Variants in ACADVL observed in about 807,000 individuals in gnomAD.
ACADVL encodes the protein acyl-CoA dehydrogenase very long chain, also known as very long-chain acyl-CoA dehydrogenase, mitochondrial.
Under a neutral mutation model 80.4 loss-of-function variants are expected in ACADVL, and 73 were observed. The ratio of observed to expected loss-of-function variants is 0.91; its 90% confidence interval spans 0.75 to 1.10. ACADVL has a LOEUF of 1.10. Among genes scored for constraint, ACADVL ranks in the 50% least tolerant of loss-of-function variants. The pLI, the probability that ACADVL is intolerant of heterozygous loss-of-function variation, is 0.00. For synonymous variants in ACADVL, 392 were observed against 326.5 expected, an observed-to-expected ratio of 1.20 and a Z score of -2.16; for missense variants, 878 against 858.9, an observed-to-expected ratio of 1.02 and a Z score of -0.28.
rs1374411199 is a variant in ACADVL, at chr17:7,224,080, G to A, written c.1434+11G>A. 1 of 1,613,948 alleles carries A rather than the reference G, an allele frequency of 6.2e-7. No individual in the cohort carries two copies. The highest frequency in any genetic ancestry group is 8.5e-7 in the Non-Finnish European group (1 of 1,179,954). On this transcript the variant is annotated intron_variant, in intron 14 of 19. Coordinates refer to ENST00000356839, the MANE Select transcript of ACADVL (RefSeq NM_000018.4). ...CTGCAGGGCTGTATGGTAAGACAGA[G>A]AATTGGGTGGGGGTAGAGGTGGGGA...
upstream of ACADVL, chr17:7,219,239 G>A: frequency 2.7e-6 from 1 of 368,580 alleles, no homozygotes; most frequent in Non-Finnish European, 4.2e-6. Context: ...GGTTTTACGG[G>A]TAAGAGGCAG....
At chr17:7,221,922 CT>C in intron 7 of ACADVL, 29 bp from the exon 8 acceptor site, 4 of 1,613,982 alleles carry the variant, frequency 2.5e-6, no homozygotes, top group Non-Finnish European at 3.4e-6. Flanking sequence ...CTCATCAGAA[CT>C]TGGGGTAAAG....
chr17:7,224,711 C>T lies in ACADVL; in HGVS notation c.1748C>T (p.Ser583Leu), dbSNP rs1085307648. ...IDLYAMVVVL[S>L]RASRSLSEGH... ...CTCTATGCCATGGTGGTGGTTCTCT[C>T]GAGGTGAGGAGGCAGGCAGGGAATG... The change falls in exon 18 of 20, where the codon TCG becomes TTG. Residue 583 changes from serine to leucine, a missense_variant. Coordinates refer to ENST00000356839, the MANE Select transcript of ACADVL (RefSeq NM_000018.4). The T allele has an allele frequency of 3.1e-6, 5 of 1,595,394 alleles. No homozygotes were observed. Among genetic ancestry groups the T allele is most frequent in the African/African-American group, 1.3e-5 (1 of 74,162 alleles).
chr17:7,220,069 G>A, intron 1 of ACADVL, 23 bp downstream of exon 1: 1 of 1,599,442 alleles, frequency 6.3e-7, no homozygotes, highest in Non-Finnish European at 8.5e-7. Context: ...CAAGAGGGAC[G>A]GTGGGCAGCG....
upstream of ACADVL, chr17:7,218,605 TG>T (rs1567556995): frequency 1.3e-6 from 2 of 1,566,020 alleles, no homozygotes; most frequent in Middle Eastern, 1.7e-4. Context: ...ACCGCAGCAG[TG>T]GGGGTGCCAG....
chr17:7,220,626 G>A lies in ACADVL; in HGVS notation c.227G>A (p.Gly76Glu), dbSNP rs750043368. ...CAGGAATCTAAGTCCTTTGCTGTGG[G>A]AATGTTCAAAGGCCAGCTCACCACA... Reference protein sequence around the residue: ...AKAESKSFAVGMFKGQLTTDQ... With the variant: ...AKAESKSFAVEMFKGQLTTDQ... The change falls in exon 4 of 20, where the codon GGA becomes GAA. Residue 76 changes from glycine (G) to glutamate (E), a missense_variant. Transcript: ENST00000356839. The A allele has an allele frequency of 8.1e-6, 13 of 1,614,196 alleles. No homozygotes were observed. The highest frequency in any genetic ancestry group is 1.6e-4 in the Middle Eastern group (1 of 6,062).
Position 7,220,032 on chromosome 17 carries a change from G to A in ACADVL, c.48G>A (p.Arg16=). Residue 16 remains arginine, a synonymous_variant, in exon 1 of 20, where the codon AGG becomes AGA. Coordinates refer to ENST00000356839, the MANE Select transcript of ACADVL (RefSeq NM_000018.4). The stretch of plus-strand genomic sequence containing the variant: ...CGAGCTTGGGGCGGCAGCTGCTGAG[G>A]CTCGGGGGCGGAAGGTCTGTGTGTG... ...MAASLGRQLL[R]LGGGSSRLTA... is the part of the protein sequence containing the mutation. 6 of 1,604,930 alleles carry A rather than the reference G, an allele frequency of 3.7e-6. No individual in the cohort carries two copies. Among genetic ancestry groups the A allele is most frequent in the Non-Finnish European group, 5.1e-6 (6 of 1,178,924 alleles).
chr17:7,222,535 AGTG>A, intron 9 of ACADVL, 129 bp from the exon 10 acceptor site: 2 of 1,170,766 alleles, frequency 1.7e-6, no homozygotes, highest in South Asian at 2.7e-5. Context: ...CCTGAGGGGA[AGTG>A]GTGGCTGTAG....
rs139425622 is a variant in ACADVL at position 7,224,355 on chromosome 17, G to T, written c.1567G>T (p.Gly523Ter). ...AGLGSGLSLS[G>*]LVHPELSRSG... Reference sequence around the variant, plus strand: ...GCTGGGCAGCGGCCTGAGTCTCAGCGGACTTGTCCACCCGGAGTTGAGTCG... The same window carrying T: ...GCTGGGCAGCGGCCTGAGTCTCAGCTGACTTGTCCACCCGGAGTTGAGTCG... Residue 523 changes from glycine to a stop codon, truncating the protein, a stop_gained, in exon 16 of 20, where the codon GGA becomes TGA. Transcript: ENST00000356839. LOFTEE classifies it high-confidence loss of function. 6.2e-7 allele frequency: 1 copy of T among 1,613,908 alleles called. No individual in the cohort carries two copies. Among genetic ancestry groups the T allele is most frequent in the South Asian group, 1.1e-5 (1 of 91,064 alleles).
chr17:7,221,302 A>G (rs2071203866), intron 6 of ACADVL: 5 of 919,346 alleles, frequency 5.4e-6, no homozygotes, highest in South Asian at 4.8e-5. Flanking sequence ...TTGCCTAACA[A>G]TAGACTGACT....
chr17:7,223,016 G>A lies in ACADVL; in HGVS notation c.1078-117G>A, dbSNP rs959376890. 150 of 1,444,530 alleles carry A rather than the reference G, an allele frequency of 1.0e-4. No individual in the cohort carries two copies. In the Middle Eastern group the frequency reaches 1.9e-3, roughly 18 times the overall value. 89.5% of individuals were successfully genotyped at this position (1,444,530 alleles called of 1,614,324 possible). On this transcript the variant is annotated intron_variant, in intron 10 of 19. Coordinates refer to ENST00000356839, the MANE Select transcript of ACADVL (RefSeq NM_000018.4). ...TTGCTAGCTTAGGTCTCCATCCAGC[G>A]TAGACTGAACTCTGGTTGTATGCAA...
intron 19 of ACADVL, 30 bp from the exon 20 acceptor site, chr17:7,224,927 C>T: frequency 6.2e-7 from 1 of 1,614,022 alleles, no homozygotes; most frequent in Non-Finnish European, 8.5e-7. Context: ...GCTGGAGGTG[C>T]AGGCCCAACC....
In ACADVL at chr17:7,224,318, C is replaced by A. The variant is rs1486836969; in HGVS notation, c.1533-3C>A. ...AACCAGTCATTCTCCCTCTTCCTCT[C>A]AGGCGGGCAGGGCTGGGCAGCGGCC... On this transcript the variant is annotated splice_polypyrimidine_tract_variant and splice_region_variant and intron_variant, in intron 15 of 19. Coordinates refer to ENST00000356839, the MANE Select transcript of ACADVL (RefSeq NM_000018.4). 2.5e-6 allele frequency: 4 copies of A among 1,613,840 alleles called. No homozygotes were observed. Among genetic ancestry groups the A allele is most frequent in the Non-Finnish European group, 3.4e-6 (4 of 1,179,988 alleles).
chr17:7,221,891 T>A (rs753435711), intron 7 of ACADVL, 61 bp from the exon 8 acceptor site: 15 of 1,612,900 alleles, frequency 9.3e-6, no homozygotes, highest in African/African-American at 1.3e-5. Flanking sequence ...GATGGGGAAG[T>A]GGGCCGAGGG....
chr17:7,223,250 C>T lies in ACADVL; in HGVS notation c.1182+13C>T, dbSNP rs1274648836. The T allele has an allele frequency of 6.2e-7, 1 of 1,601,660 alleles. No homozygotes were observed. Among genetic ancestry groups the T allele is most frequent in the Admixed American group, 1.7e-5 (1 of 60,016 alleles). On this transcript the variant is annotated intron_variant, in intron 11 of 19. Transcript: ENST00000356839. ...GTATGTAACTGAGGTGAGGGCCTCC[C>T]AAGCCCCTCTCCCTGGAGCCCTGGG...
Position 7,221,023 on chromosome 17 carries a change from A to G in ACADVL, c.442A>G (p.Ser148Gly), listed in dbSNP as rs892944229. 2.5e-6 allele frequency: 4 copies of G among 1,613,714 alleles called. No individual in the cohort carries two copies. The highest frequency in any genetic ancestry group is 3.4e-6 in the Non-Finnish European group (4 of 1,179,988). Residue 148 changes from serine (S) to glycine (G), a missense_variant, in exon 6 of 20, where the codon AGT becomes GGT. Coordinates refer to ENST00000356839, the MANE Select transcript of ACADVL (RefSeq NM_000018.4). ...ELGAFGLQVP[S>G]ELGGVGLCNT... ...GGGGGCCTTTGGTCTGCAAGTGCCCAGTGAGCTGGGTGGTGTGGGCCTTTG... is the reference window on the plus strand; with the variant it reads ...GGGGGCCTTTGGTCTGCAAGTGCCCGGTGAGCTGGGTGGTGTGGGCCTTTG...
chr17:7,224,575 C>A, intron 17 of ACADVL, 23 bp downstream of exon 17: 1 of 1,608,406 alleles, frequency 6.2e-7, no homozygotes. Context: ...TACACCATTC[C>A]GCCCCTCCCT....
At chr17:7,219,724 G>A, upstream of ACADVL, 1 of 1,419,492 alleles carries the variant, frequency 7.0e-7, no homozygotes, top group East Asian at 2.6e-5. Flanking sequence ...TCACCCCGTC[G>A]GAGGACTAGA....
intron 12 of ACADVL, 36 bp from the exon 13 acceptor site, chr17:7,223,777 C>G: frequency 6.2e-7 from 1 of 1,614,086 alleles, no homozygotes; most frequent in Non-Finnish European, 8.5e-7. Context: ...GGGTGCTCAG[C>G]TCCCAAAACC....
Sources: gnomAD v4.1 joint callset for allele counts on GRCh38, gnomAD v4.1.1 for gene constraint, MANE v1.5 for transcripts, NCBI Gene and HGNC (gene_info 2026-07-23, HGNC 2026-07-21) for gene names.